The following LMTK3 variants were observed in gnomAD, a reference collection of about 807,000 sequenced individuals.
LMTK3 encodes serine/threonine-protein kinase LMTK3.
In LMTK3, 27 loss-of-function variants were observed where a neutral mutation model predicts 116.7. That is an observed-to-expected ratio of 0.23 (90% confidence interval 0.17 to 0.32). The LOEUF is 0.32. Among genes scored for constraint, LMTK3 ranks in the 10% least tolerant of loss-of-function variants. The pLI is 1.00. For synonymous variants in LMTK3, 965 were observed against 971.0 expected, an observed-to-expected ratio of 0.99 and a Z score of 0.11; for missense variants, 1,764 against 2,068.5, an observed-to-expected ratio of 0.85 and a Z score of 2.86.
Position 48,491,348 on chromosome 19 carries a change from C to A in LMTK3, c.4228+56G>T. 3.7e-6 allele frequency: 5 copies of A among 1,350,158 alleles called. No homozygotes were observed. The highest frequency in any genetic ancestry group is 4.8e-6 in the Non-Finnish European group (5 of 1,047,628). 83.6% of individuals were successfully genotyped at this position (1,350,158 alleles called of 1,614,324 possible). ...CAAGCCCCTCCCACCCCATAGACCC[C>A]GCCCCGTCCGCCCCATGGCTCCCGC... is the stretch of plus-strand genomic sequence containing the variant. On this transcript the variant is annotated intron_variant, in intron 13 of 14. Transcript: ENST00000600059. This position sits in a 1 kb window ranked among gnomAD's most constrained non-coding sequence, Gnocchi z 5.1.
intron 5 of LMTK3, among the ~76,000 whole-genome samples, chr19:48,504,036 T>G (rs1972521930): frequency 6.6e-6 from 1 of 151,946 alleles, no homozygotes; most frequent in Non-Finnish European, 1.5e-5. Context: ...CCTGGCTAAT[T>G]TTTGTATTTT....
intron 14 of LMTK3, 42 bp from the exon 15 acceptor site, chr19:48,485,831 G>A: frequency 6.3e-7 from 1 of 1,589,586 alleles, no homozygotes; most frequent in Non-Finnish European, 8.6e-7. Context: ...AATTACTAGG[G>A]GGACAGCCTC....
rs1255355623 is a variant in LMTK3, at chr19:48,500,460, G to C, written c.1151+536C>G. On this transcript the variant is annotated intron_variant, in intron 10 of 14. Transcript: ENST00000600059. The surrounding 1 kb of genome is among the most constrained non-coding windows in gnomAD (Gnocchi z 4.0). ...AGAGAGAGAGGGACAGAGACCCAGA[G>C]AGAGAGGGACAGAGACCCAGAGAGA... is the stretch of plus-strand genomic sequence containing the variant. Among the ~76,000 whole-genome samples, 2 of 151,672 alleles carry C rather than the reference G, an allele frequency of 1.3e-5. No individual in the cohort carries two copies. Among genetic ancestry groups the C allele is most frequent in the African/African-American group, 4.8e-5 (2 of 41,298 alleles).
Position 48,491,298 on chromosome 19 carries a change from G to A in LMTK3, c.4229-53C>T, listed in dbSNP as rs966112630. 13 of 1,341,676 alleles carry A rather than the reference G, an allele frequency of 9.7e-6. No homozygotes were observed. The highest frequency in any genetic ancestry group is 1.2e-5 in the Non-Finnish European group (13 of 1,041,648). The allele number at this position is 1,341,676 out of a possible 1,614,324, so 83.1% of individuals were successfully genotyped here. A position where few individuals can be genotyped will look rare whatever the true frequency, so the allele number is the denominator to read the frequency against. On this transcript the variant is annotated intron_variant, in intron 13 of 14. Coordinates refer to ENST00000600059, the MANE Select transcript of LMTK3 (RefSeq NM_001388485.1). The surrounding 1 kb of genome is among the most constrained non-coding windows in gnomAD (Gnocchi z 5.1). ...GGCTGCAGACACCTGCGGCACTCCCGCCCTCTGGTCCCGCCCCTCCCGACC... is the reference window on the plus strand; with the variant it reads ...GGCTGCAGACACCTGCGGCACTCCCACCCTCTGGTCCCGCCCCTCCCGACC...
chr19:48,491,239 C>G lies in LMTK3; in HGVS notation c.4235G>C (p.Ser1412Thr). 1 of 1,404,556 alleles carries G rather than the reference C, an allele frequency of 7.1e-7. No homozygotes were observed. The highest frequency in any genetic ancestry group is 9.3e-7 in the Non-Finnish European group (1 of 1,076,148). The allele number at this position is 1,404,556 out of a possible 1,614,324, so 87.0% of individuals were successfully genotyped here. A position where few individuals can be genotyped will look rare whatever the true frequency, so the allele number is the denominator to read the frequency against. ...FPSNDSGFGG[S>T]FEWAEDFPLL... Reference sequence around the variant, plus strand: ...GGGGAAATCCTCCGCCCACTCGAAACTGCCTCCTGCGGCAGAAGGAAAGAC... The same window carrying G: ...GGGGAAATCCTCCGCCCACTCGAAAGTGCCTCCTGCGGCAGAAGGAAAGAC... The change falls in exon 14 of 15, where the codon AGT becomes ACT. Residue 1412 changes from serine to threonine, a missense_variant. Ser to Thr is a moderately conservative substitution (Grantham distance 58, BLOSUM62 1). Around this residue, in one of 7 missense-constraint regions of LMTK3, gnomAD observed 281 missense variants for 301.4 expected, o/e 0.93. Transcript: ENST00000600059. The surrounding 1 kb of genome is among the most constrained non-coding windows in gnomAD (Gnocchi z 5.1).
At chr19:48,511,975 C>A (rs564960503), upstream of LMTK3, among the ~76,000 whole-genome samples, 2 of 131,690 alleles carry the variant, frequency 1.5e-5, no homozygotes, top group African/African-American at 2.9e-5. Flanking sequence ...CTGGCTCCCC[C>A]GTAGCATTGG....
chr19:48,501,515 C>T lies in LMTK3; in HGVS notation c.842G>A (p.Arg281His). Residue 281 changes from arginine to histidine, a missense_variant, in exon 8 of 15, where the codon CGC becomes CAC. Around this residue, in one of 7 missense-constraint regions of LMTK3, gnomAD observed 271 missense variants for 478.2 expected, o/e 0.57. Transcript: ENST00000600059. The stretch of plus-strand genomic sequence containing the variant: ...GTGGGCCAGCCCGTAGTCTCCGATG[C>T]GCACGGTCAGGTCAGAGGTCAGCAG... ...NCLLTSDLTVRIGDYGLAHSN... is the reference protein window; with the variant it reads ...NCLLTSDLTVHIGDYGLAHSN... 1 of 1,612,360 alleles carries T rather than the reference C, an allele frequency of 6.2e-7. No individual in the cohort carries two copies. Among genetic ancestry groups the T allele is most frequent in the Admixed American group, 1.7e-5 (1 of 59,748 alleles).
intron 14 of LMTK3, among the ~76,000 whole-genome samples, chr19:48,487,386 G>T (rs985643178): frequency 1.3e-5 from 2 of 152,118 alleles, no homozygotes; most frequent in African/African-American, 4.8e-5. Context: ...ATGTTGGCCG[G>T]CTGGTCTCGA....
Position 48,494,890 on chromosome 19 carries a change from A to G in LMTK3, c.3677-781T>C, listed in dbSNP as rs8110240. ...AGTGCCCTCTCTAGAACACTCTCCCACCGATGTCCACCTGCCTCACTCCCT... is the reference window on the plus strand; with the variant it reads ...AGTGCCCTCTCTAGAACACTCTCCCGCCGATGTCCACCTGCCTCACTCCCT... On this transcript the variant is annotated intron_variant, in intron 11 of 14. Coordinates refer to ENST00000600059, the MANE Select transcript of LMTK3 (RefSeq NM_001388485.1). The surrounding 1 kb of genome is among the most constrained non-coding windows in gnomAD (Gnocchi z 4.0). 0.075 allele frequency among the ~76,000 whole-genome samples: 11,453 copies of G among 151,936 alleles called. 622 individuals carry two copies. Among genetic ancestry groups the G allele is most frequent in the Middle Eastern group, 0.21 (61 of 294 alleles).
At position 48,500,142 on chromosome 19, in the gene LMTK3, T is replaced by C. The variant is rs996951962; in HGVS notation, c.1152-225A>G. On this transcript the variant is annotated intron_variant, in intron 10 of 14. Transcript: ENST00000600059. This position sits in a 1 kb window ranked among gnomAD's most constrained non-coding sequence, Gnocchi z 4.0. ...AGACCCAGAGAGAGAGGGACAGAGA[T>C]CCAGGCGTGGTGGCTCACGCCTGTA... Among the ~76,000 whole-genome samples the C allele has an allele frequency of 4.1e-5, 6 of 145,760 alleles. No individual in the cohort carries two copies. Among genetic ancestry groups the C allele is most frequent in the African/African-American group, 1.5e-4 (6 of 39,040 alleles).
Position 48,500,122 on chromosome 19 carries a change from C to T in LMTK3, c.1152-205G>A, listed in dbSNP as rs1038405557. 6.6e-6 allele frequency among the ~76,000 whole-genome samples: 1 copy of T among 151,106 alleles called. No homozygotes were observed. The highest frequency in any genetic ancestry group is 2.4e-5 in the African/African-American group (1 of 40,954). On this transcript the variant is annotated intron_variant, in intron 10 of 14. Transcript: ENST00000600059. This position sits in a 1 kb window ranked among gnomAD's most constrained non-coding sequence, Gnocchi z 4.0. ...ATCCAGAGACAGAGGGACAGAGACCCAGAGAGAGAGGGACAGAGATCCAGG... is the reference window on the plus strand; with the variant it reads ...ATCCAGAGACAGAGGGACAGAGACCTAGAGAGAGAGGGACAGAGATCCAGG...
At chr19:48,505,247 G>A (rs181726787) in intron 5 of LMTK3, among the ~76,000 whole-genome samples, 1 of 151,200 alleles carries the variant, frequency 6.6e-6, no homozygotes, top group Non-Finnish European at 1.5e-5. Flanking sequence ...CTGAGTAGCT[G>A]GGATTACAGG....
chr19:48,491,351 C>T lies in LMTK3; in HGVS notation c.4228+53G>A. ...GCCCCTCCCACCCCATAGACCCCGCCCCGTCCGCCCCATGGCTCCCGCCCC... is the reference window on the plus strand; with the variant it reads ...GCCCCTCCCACCCCATAGACCCCGCTCCGTCCGCCCCATGGCTCCCGCCCC... On this transcript the variant is annotated intron_variant, in intron 13 of 14. Coordinates refer to ENST00000600059, the MANE Select transcript of LMTK3 (RefSeq NM_001388485.1). The surrounding 1 kb of genome is among the most constrained non-coding windows in gnomAD (Gnocchi z 5.1). 2 of 1,350,832 alleles carry T rather than the reference C, an allele frequency of 1.5e-6. No individual in the cohort carries two copies. Among genetic ancestry groups the T allele is most frequent in the Admixed American group, 7.8e-5 (2 of 25,606 alleles). 83.7% of individuals were successfully genotyped at this position (1,350,832 alleles called of 1,614,324 possible). A position where few individuals can be genotyped will look rare whatever the true frequency, so the allele number is the denominator to read the frequency against.
At position 48,509,530 on chromosome 19, in the gene LMTK3, G is replaced by A. The variant is rs1295763163; in HGVS notation, c.362-17C>T. 3 of 1,541,768 alleles carry A rather than the reference G, an allele frequency of 1.9e-6. No homozygotes were observed. The South Asian group carries it at 3.6e-5, about 19-fold the overall frequency. ...TGGTCATGTCTGGGGAGGGCAAGAG[G>A]GGAAAGCCCCTGAGTCTCTCCCCCT... On this transcript the variant is annotated splice_polypyrimidine_tract_variant and intron_variant, in intron 3 of 14. Coordinates refer to ENST00000600059, the MANE Select transcript of LMTK3 (RefSeq NM_001388485.1).
chr19:48,499,632 G>A lies in LMTK3; in HGVS notation c.1437C>T (p.Cys479=). The A allele has an allele frequency of 1.3e-6, 2 of 1,542,616 alleles. No homozygotes were observed. The highest frequency in any genetic ancestry group is 1.2e-5 in the South Asian group (1 of 83,788). ...TESSRGLNLE[C]LWEKARRGAG... The stretch of plus-strand genomic sequence containing the variant: ...CCCCACGCCGGGCCTTCTCCCACAG[G>A]CACTCGAGGTTGAGGCCGCGGCTAC... Residue 479 remains cysteine (C), a synonymous_variant, in exon 11 of 15, where the codon TGC becomes TGT. Transcript: ENST00000600059.
chr19:48,486,159 A>T (rs372679819), intron 14 of LMTK3, among the ~76,000 whole-genome samples: 8 of 129,690 alleles, frequency 6.2e-5, no homozygotes, highest in African/African-American at 2.4e-4. Flanking sequence ...TCCCGGGTTC[A>T]CGCCATTCTC....
chr19:48,485,600 G>C lies in LMTK3; in HGVS notation c.*173C>G, dbSNP rs1972108103. 3.0e-6 allele frequency: 2 copies of C among 665,024 alleles called. No individual in the cohort carries two copies. Among genetic ancestry groups the C allele is most frequent in the South Asian group, 3.8e-5 (2 of 53,258 alleles). The allele number at this position is 665,024 out of a possible 1,614,324, so 41.2% of individuals were successfully genotyped here. On this transcript the variant is annotated 3_prime_UTR_variant, in exon 15 of 15. Coordinates refer to ENST00000600059, the MANE Select transcript of LMTK3 (RefSeq NM_001388485.1). ...AGCCATCTGGGGGGCTGGGGGGCGG[G>C]GGCCCGGGGCCTCCCGTTTGGCACA...
chr19:48,513,123 G>T (rs778628892), upstream of LMTK3: 12 of 1,589,654 alleles, frequency 7.5e-6, no homozygotes, highest in Non-Finnish European at 8.6e-6. This position sits in a 1 kb window ranked among gnomAD's most constrained non-coding sequence, Gnocchi z 5.6. Context: ...ACAGACACAC[G>T]GGTCGCAAAT....
At position 48,485,690 on chromosome 19, in the gene LMTK3, G is replaced by A. The variant is rs1445337913; in HGVS notation, c.*83C>T. The A allele has an allele frequency of 6.8e-7, 1 of 1,466,268 alleles. No individual in the cohort carries two copies. Among genetic ancestry groups the A allele is most frequent in the Non-Finnish European group, 9.4e-7 (1 of 1,064,344 alleles). 90.8% of individuals were successfully genotyped at this position (1,466,268 alleles called of 1,614,324 possible). ...CCTCCCCAGAGGCGGCGTCTGCGGT[G>A]GTGGCAGTGGCGCCGTCATCCACAG... On this transcript the variant is annotated 3_prime_UTR_variant, in exon 15 of 15. Transcript: ENST00000600059.
Sources: gnomAD v4.1 joint callset for allele counts (sites outside exome capture counted in the v4.1 genomes callset) on GRCh38, gnomAD v4.1.1 for gene constraint, gnomAD v4.1.1 regional missense constraint, Gnocchi (gnomAD v3.1) non-coding constraint, MANE v1.5 for transcripts, NCBI Gene and HGNC (gene_info 2026-07-23, HGNC 2026-07-21) for gene names.